Variants in PLD5 observed in about 807,000 individuals in gnomAD.
The protein encoded by PLD5 is phospholipase D family member 5, also known as inactive phospholipase D5.
Under a neutral mutation model 61.1 loss-of-function variants are expected in PLD5, and 36 were observed. The ratio of observed to expected loss-of-function variants is 0.59; its 90% CI spans 0.45 to 0.78. The LOEUF is 0.78. Ranked by LOEUF, PLD5 falls within the 30% of genes least tolerant of loss-of-function variation. PLD5 has a pLI of 0.00. For missense variants in PLD5, 515 were observed against 644.4 expected (o/e 0.80, Z 2.17); for synonymous variants, 243 against 242.8 (o/e 1.00, Z -0.01).
In PLD5 at chr1:242,089,444, T is replaced by C; in HGVS notation, c.*410A>G. 2.3e-6 allele frequency: 1 copy of C among 428,758 alleles called. No individual in the cohort carries two copies. The highest frequency in any genetic ancestry group is 4.1e-6 in the Non-Finnish European group (1 of 244,040). 26.6% of individuals were successfully genotyped at this position (428,758 alleles called of 1,614,324 possible). A position where few individuals can be genotyped will look rare whatever the true frequency, so the allele number is the denominator to read the frequency against. On this transcript the variant is annotated 3_prime_UTR_variant, in exon 10 of 10. Transcript: ENST00000536534. ...AACACTTGGTTTTATCAGTCTCTTCTCCAAGGCAAAATCCTCACCTTCCTC... is the reference window on the plus strand; with the variant it reads ...AACACTTGGTTTTATCAGTCTCTTCCCCAAGGCAAAATCCTCACCTTCCTC...
At chr1:242,275,728 T>TC (rs1674376938) in intron 3 of PLD5, among the ~76,000 whole-genome samples, 3 of 152,106 alleles carry the variant, frequency 2.0e-5, no homozygotes, top group Admixed American at 6.5e-5. Flanking sequence ...CAGGGAAAGT[T>TC]CCCCAAAGAA....
chr1:242,397,965 T>C (rs562035473), intron 1 of PLD5, among the ~76,000 whole-genome samples: 1 of 152,200 alleles, frequency 6.6e-6, no homozygotes, highest in Non-Finnish European at 1.5e-5. Flanking sequence ...ATTAGAAACA[T>C]GAAAGAAAAA....
chr1:242,470,271 G>A (rs2102948159), intron 1 of PLD5, among the ~76,000 whole-genome samples: 1 of 152,030 alleles, frequency 6.6e-6, no homozygotes, highest in African/African-American at 2.4e-5. Context: ...GAACCCCGGA[G>A]GCGGAGCTTG....
intron 1 of PLD5, among the ~76,000 whole-genome samples, chr1:242,449,750 G>A (rs947345802): frequency 6.6e-6 from 1 of 152,192 alleles, no homozygotes; most frequent in Non-Finnish European, 1.5e-5. Flanking sequence ...TGACCCAGGG[G>A]AGGCAGGCAC....
At chr1:242,472,648 G>T (rs147760933) in intron 1 of PLD5, among the ~76,000 whole-genome samples, 1 of 152,110 alleles carries the variant, frequency 6.6e-6, no homozygotes, top group Non-Finnish European at 1.5e-5. Context: ...TGCAGCAGTC[G>T]CTTTGGCTTG....
chr1:242,131,750 C>G (rs552228712), intron 5 of PLD5, among the ~76,000 whole-genome samples: 1 of 152,034 alleles, frequency 6.6e-6, no homozygotes, highest in Non-Finnish European at 1.5e-5. Context: ...CCTCCTCTTT[C>G]TGCCTAGGTG....
At chr1:242,168,846 GTTTTTTTTT>G (rs34280777) in intron 5 of PLD5, among the ~76,000 whole-genome samples, 1 of 111,266 alleles carries the variant, frequency 9.0e-6, no homozygotes, top group Non-Finnish European at 1.7e-5. Flanking sequence ...AATTAATGAA[GTTTTTTTTT>G]TTTTTTTTTT....
At chr1:242,266,735 A>G (rs1673699740) in intron 3 of PLD5, among the ~76,000 whole-genome samples, 1 of 152,258 alleles carries the variant, frequency 6.6e-6, no homozygotes, top group South Asian at 2.1e-4. Flanking sequence ...ACTGTGGATA[A>G]TGATATGGAA....
At chr1:242,379,933 G>A (rs1662186410) in intron 1 of PLD5, among the ~76,000 whole-genome samples, 1 of 151,988 alleles carries the variant, frequency 6.6e-6, no homozygotes, top group South Asian at 2.1e-4. Flanking sequence ...CACACAAATG[G>A]ATCCACACTA....
At chr1:242,398,221 T>G (rs1359688446) in intron 1 of PLD5, among the ~76,000 whole-genome samples, 1 of 152,198 alleles carries the variant, frequency 6.6e-6, no homozygotes, top group Non-Finnish European at 1.5e-5. Context: ...ACAGCACTTG[T>G]GAGTACAACC....
chr1:242,434,074 C>G (rs188458359), intron 1 of PLD5, among the ~76,000 whole-genome samples: 1 of 152,186 alleles, frequency 6.6e-6, no homozygotes, highest in Non-Finnish European at 1.5e-5. Context: ...CAAGATATAC[C>G]TTTCAGAAGA....
intron 2 of PLD5, among the ~76,000 whole-genome samples, chr1:242,340,966 G>A (rs1304060596): frequency 2.6e-5 from 4 of 151,888 alleles, no homozygotes; most frequent in East Asian, 1.9e-4. Flanking sequence ...ACCCTTGGAC[G>A]ACAATATAAG....
chr1:242,340,584 TTTA>T (rs1044483787), intron 2 of PLD5, among the ~76,000 whole-genome samples: 1 of 151,878 alleles, frequency 6.6e-6, no homozygotes, highest in African/African-American at 2.4e-5. Flanking sequence ...TTATTGAAAA[TTTA>T]TTATATGACA....
chr1:242,092,946 CAGAG>C (rs1659951120), intron 9 of PLD5, among the ~76,000 whole-genome samples: 1 of 152,144 alleles, frequency 6.6e-6, no homozygotes, highest in African/African-American at 2.4e-5. Flanking sequence ...CAAATATCAG[CAGAG>C]AGAGGGACCT....
chr1:242,397,976 A>G (rs1035261150), intron 1 of PLD5, among the ~76,000 whole-genome samples: 1 of 152,174 alleles, frequency 6.6e-6, no homozygotes, highest in Non-Finnish European at 1.5e-5. Context: ...GAAAGAAAAA[A>G]GTCCCAGTCA....
At chr1:242,352,115 T>C (rs968974354) in intron 1 of PLD5, among the ~76,000 whole-genome samples, 12 of 152,202 alleles carry the variant, frequency 7.9e-5, no homozygotes, top group African/African-American at 2.9e-4. Context: ...TCAATTATTA[T>C]CTATATTCAC....
intron 2 of PLD5, among the ~76,000 whole-genome samples, chr1:242,319,781 G>T (rs1392584625): frequency 6.6e-6 from 1 of 152,118 alleles, no homozygotes; most frequent in Admixed American, 6.6e-5. Flanking sequence ...TTAATTTTAG[G>T]TTATGTAATA....
At chr1:242,321,212 T>A (rs1658378404) in intron 2 of PLD5, among the ~76,000 whole-genome samples, 1 of 150,332 alleles carries the variant, frequency 6.7e-6, no homozygotes, top group Non-Finnish European at 1.5e-5. Context: ...CCTTGACCCA[T>A]TCTAAAAAAA....
chr1:242,332,988 A>G (rs190144957), intron 2 of PLD5, among the ~76,000 whole-genome samples: 13 of 152,314 alleles, frequency 8.5e-5, no homozygotes, highest in Admixed American at 6.5e-4. Flanking sequence ...GCCTCAGGTG[A>G]AACCCAAGAG....
Sources: gnomAD v4.1 joint callset for allele counts (sites outside exome capture counted in the v4.1 genomes callset) on GRCh38, gnomAD v4.1.1 for gene constraint, MANE v1.5 for transcripts, NCBI Gene and HGNC (gene_info 2026-07-23, HGNC 2026-07-21) for gene names.